MED26: variants seen among roughly 807,000 people sequenced by gnomAD.
MED26 encodes mediator complex subunit 26, also known as mediator of RNA polymerase II transcription subunit 26.
Under a neutral mutation model 43.7 loss-of-function variants are expected in MED26, and 7 were observed. The ratio of observed to expected loss-of-function variants is 0.16; its 90% CI spans 0.09 to 0.30. MED26 has a LOEUF of 0.30. MED26 is among the 10% of genes least tolerant of loss of function. MED26 has a pLI of 1.00. For synonymous variants in MED26, 375 were observed against 371.1 expected (o/e 1.01, Z -0.12); for missense variants, 784 against 840.6 (o/e 0.93, Z 0.83).
intron 1 of MED26, chr19:16,624,357 T>C (rs2086264197): frequency 6.6e-6 from 1 of 152,232 alleles, no homozygotes. Context: ...CCTTGGTCTC[T>C]GTTGCCTGAA....
Position 16,582,182 on chromosome 19 carries a change from G to A in MED26, c.73-3773C>T, listed in dbSNP as rs537255943. On this transcript the variant is annotated intron_variant, in intron 1 of 2. Transcript: ENST00000263390. ...CACTCCCTGGAGCCAGCAGAAGGCA[G>A]TCAGTGATGTCAGCAGAGCTAAGGA... 7.9e-5 allele frequency among the ~76,000 whole-genome samples: 12 copies of A among 152,384 alleles called. No individual in the cohort carries two copies. In the South Asian group the frequency reaches 2.5e-3, roughly 32 times the overall value.
rs142958881 is a variant in MED26 at position 16,601,159 on chromosome 19, C to CTT, written c.73-22752_73-22751dup. On this transcript the variant is annotated intron_variant, in intron 1 of 2. Coordinates refer to ENST00000263390, the MANE Select transcript of MED26 (RefSeq NM_004831.5). ...CAGGCAGCCTGGTTACAAACACTGA[C>CTT]TTTTTTTTTTTTTTTGAGACAGAGT... Among the ~76,000 whole-genome samples the CTT allele has an allele frequency of 2.4e-3, 347 of 143,052 alleles. 2 individuals are homozygous for CTT. The highest frequency in any genetic ancestry group is 7.9e-3 in the African/African-American group (308 of 39,104). 93.8% of individuals were successfully genotyped at this position (143,052 alleles called of 152,430 possible).
At position 16,576,327 on chromosome 19, in the gene MED26, G is replaced by T; in HGVS notation, c.1503C>A (p.Gly501=). The change falls in exon 3 of 3, where the codon GGC becomes GGA. Residue 501 remains glycine (G), a synonymous_variant. Transcript: ENST00000263390. The surrounding 1 kb of genome is among the most constrained non-coding windows in gnomAD (Gnocchi z 6.8). ...SRQSSLLSSS[G]AQTPGAHHFM... is the part of the protein sequence containing the mutation. ...AGTGGTGAGCCCCTGGGGTCTGCGC[G>T]CCCGATGATGAGAGCAGGCTGCTCT... The T allele has an allele frequency of 6.2e-7, 1 of 1,613,730 alleles. No homozygotes were observed.
intron 1 of MED26, among the ~76,000 whole-genome samples, chr19:16,623,508 C>T (rs1447119642): frequency 6.6e-6 from 1 of 152,212 alleles, no homozygotes; most frequent in Non-Finnish European, 1.5e-5. Flanking sequence ...CACACAGATT[C>T]ATGAAAAGTT....
chr19:16,589,791 C>T (rs1486609250), intron 1 of MED26, among the ~76,000 whole-genome samples: 1 of 152,204 alleles, frequency 6.6e-6, no homozygotes, highest in Non-Finnish European at 1.5e-5. Flanking sequence ...TAAAAATAAC[C>T]TACTGTGTGT....
chr19:16,596,487 C>T lies in MED26; in HGVS notation c.73-18078G>A, dbSNP rs550848409. Among the ~76,000 whole-genome samples, 12 of 152,348 alleles carry T rather than the reference C, an allele frequency of 7.9e-5. No homozygotes were observed. In the South Asian group the frequency reaches 1.9e-3, roughly 24 times the overall value. On this transcript the variant is annotated intron_variant, in intron 1 of 2. Coordinates refer to ENST00000263390, the MANE Select transcript of MED26 (RefSeq NM_004831.5). ...TGACCACAGCCTCAGCCATCGAGTG[C>T]ATACGTGGGACACCTCCTTGCGTGG...
Position 16,577,250 on chromosome 19 carries a change from T to A in MED26, c.580A>T (p.Ser194Cys), listed in dbSNP as rs2086013439. 3 of 1,612,906 alleles carry A rather than the reference T, an allele frequency of 1.9e-6. No homozygotes were observed. The highest frequency in any genetic ancestry group is 2.5e-6 in the Non-Finnish European group (3 of 1,179,820). ...GCATGCCCACTGCCATCCAGGGAGCTGGCGAAGCTCTCTGGACTCCCACTG... is the reference window on the plus strand; with the variant it reads ...GCATGCCCACTGCCATCCAGGGAGCAGGCGAAGCTCTCTGGACTCCCACTG... Reference protein sequence around the residue: ...GISGSPESFASSLDGSGHAGP... With the variant: ...GISGSPESFACSLDGSGHAGP... The change falls in exon 3 of 3, where the codon AGC becomes TGC. Residue 194 changes from serine (S) to cysteine (C), a missense_variant. Physicochemically the swap from Ser to Cys is moderately radical, Grantham distance 112 (BLOSUM62 -1). Coordinates refer to ENST00000263390, the MANE Select transcript of MED26 (RefSeq NM_004831.5). This position sits in a 1 kb window ranked among gnomAD's most constrained non-coding sequence, Gnocchi z 8.1.
Position 16,577,131 on chromosome 19 carries a change from C to T in MED26, c.699G>A (p.Pro233=), listed in dbSNP as rs370021208. ...VNAVRPHTSS[P]GLGKPPGPCL... ...AGGGTCCAGGGGGCTTGCCCAGGCC[C>T]GGGGAGCTGGTGTGCGGTCGCACGG... Residue 233 remains proline, a synonymous_variant, in exon 3 of 3, where the codon CCG becomes CCA. Coordinates refer to ENST00000263390, the MANE Select transcript of MED26 (RefSeq NM_004831.5). The surrounding 1 kb of genome is among the most constrained non-coding windows in gnomAD (Gnocchi z 8.1). The T allele has an allele frequency of 2.0e-4, 329 of 1,613,246 alleles. 3 individuals carry two copies. The South Asian group carries it at 2.9e-3, about 14-fold the overall frequency.
At chr19:16,627,772 C>T (rs2122470303) in intron 1 of MED26, 100 bp downstream of exon 1, 1 of 835,892 alleles carries the variant, frequency 1.2e-6, no homozygotes, top group African/African-American at 1.8e-5. Context: ...AGGTGGGCGC[C>T]AGACGGGTCC....
chr19:16,628,089 G>A lies in MED26; in HGVS notation c.-146C>T. The stretch of plus-strand genomic sequence containing the variant: ...GGGGTTGGGGGCGCGCGGGGTGGCG[G>A]AGAGGGGAGCCGGGGCCGGGTCTCG... On this transcript the variant is annotated 5_prime_UTR_variant, in exon 1 of 3. Coordinates refer to ENST00000263390, the MANE Select transcript of MED26 (RefSeq NM_004831.5). The A allele has an allele frequency of 2.5e-6, 1 of 407,994 alleles. No individual in the cohort carries two copies. The highest frequency in any genetic ancestry group is 2.1e-5 in the African/African-American group (1 of 48,144). The allele number at this position is 407,994 out of a possible 1,614,324, so 25.3% of individuals were successfully genotyped here. A position where few individuals can be genotyped will look rare whatever the true frequency, so the allele number is the denominator to read the frequency against.
chr19:16,624,887 A>T (rs2086267335), intron 1 of MED26, among the ~76,000 whole-genome samples: 1 of 152,210 alleles, frequency 6.6e-6, no homozygotes, highest in Non-Finnish European at 1.5e-5. Flanking sequence ...GGAGAAGACA[A>T]GACAGGAAAC....
intron 1 of MED26, among the ~76,000 whole-genome samples, chr19:16,616,664 A>G (rs2086227607): frequency 6.6e-6 from 1 of 152,192 alleles, no homozygotes; most frequent in African/African-American, 2.4e-5. Flanking sequence ...CTAGACATCC[A>G]GGCACAGGAG....
intron 1 of MED26, among the ~76,000 whole-genome samples, chr19:16,600,400 C>T (rs1245662307): frequency 6.6e-6 from 1 of 152,202 alleles, no homozygotes; most frequent in Non-Finnish European, 1.5e-5. Flanking sequence ...CTTCACTGAT[C>T]GTTGGGGTGC....
At chr19:16,616,577 A>C (rs2086227194) in intron 1 of MED26, among the ~76,000 whole-genome samples, 1 of 152,166 alleles carries the variant, frequency 6.6e-6, no homozygotes, top group African/African-American at 2.4e-5. Context: ...GCAGTAGATC[A>C]TGGCACCACC....
At position 16,586,889 on chromosome 19, in the gene MED26, A is replaced by C. The variant is rs1270373245; in HGVS notation, c.73-8480T>G. 1 of 151,464 alleles carries C rather than the reference A, an allele frequency of 6.6e-6. No homozygotes were observed. The highest frequency in any genetic ancestry group is 2.0e-4 in the East Asian group (1 of 5,024). The allele number at this position is 151,464 out of a possible 1,614,324, so 9.4% of individuals were successfully genotyped here. ...CCTGTAAAAACCGGTTCACTTTAAA[A>C]ACAACAATGGGGATGTTGTCGGGTT... On this transcript the variant is annotated intron_variant, in intron 1 of 2. Transcript: ENST00000263390. This position sits in a 1 kb window ranked among gnomAD's most constrained non-coding sequence, Gnocchi z 5.1.
At chr19:16,583,661 G>T (rs756941929) in intron 1 of MED26, among the ~76,000 whole-genome samples, 1 of 152,172 alleles carries the variant, frequency 6.6e-6, no homozygotes, top group African/African-American at 2.4e-5. Flanking sequence ...GGGACCAGGT[G>T]TGGCACAGGT....
At chr19:16,598,411 C>T (rs2086132777) in intron 1 of MED26, among the ~76,000 whole-genome samples, 1 of 151,078 alleles carries the variant, frequency 6.6e-6, no homozygotes. Flanking sequence ...CCCAGAAGGT[C>T]GGAACACAAG....
chr19:16,582,581 G>A (rs1038491109), intron 1 of MED26, among the ~76,000 whole-genome samples: 2 of 152,202 alleles, frequency 1.3e-5, no homozygotes, highest in African/African-American at 4.8e-5. Context: ...TCTCATGGAG[G>A]TGGCCCTCTG....
At chr19:16,596,832 C>A (rs910066282) in intron 1 of MED26, among the ~76,000 whole-genome samples, 1 of 152,200 alleles carries the variant, frequency 6.6e-6, no homozygotes, top group African/African-American at 2.4e-5. Context: ...CACAGCCTAG[C>A]CACTTCCCAT....
Sources: allele counts gnomAD v4.1 joint callset (sites outside exome capture counted in the v4.1 genomes callset), GRCh38; gene constraint gnomAD v4.1.1; non-coding constraint Gnocchi (gnomAD v3.1); transcripts MANE v1.5; gene names NCBI Gene and HGNC (gene_info 2026-07-23, HGNC 2026-07-21).